Variants in NEGR1 observed in about 807,000 individuals in gnomAD.
The protein encoded by NEGR1 is neuronal growth regulator 1.
A neutral mutation model predicts 40.9 loss-of-function variants in NEGR1; 10 were observed. The ratio of observed to expected loss-of-function variants is 0.24; its 90% CI spans 0.15 to 0.42. The LOEUF (loss-of-function observed/expected upper bound fraction) is 0.42. NEGR1 is among the 10% of genes least tolerant of loss of function. The probability of loss-of-function intolerance (pLI) is 1.00; values close to 1 mark genes in which losing one functional copy is unlikely to be tolerated. For missense variants in NEGR1, 352 were observed against 438.9 expected (o/e 0.80, Z 1.77); for synonymous variants, 185 against 166.8 (o/e 1.11, Z -0.84).
intron 1 of NEGR1, among the ~76,000 whole-genome samples, chr1:72,208,408 T>A (rs956574520): frequency 6.6e-6 from 1 of 151,764 alleles, no homozygotes; most frequent in African/African-American, 2.4e-5. Context: ...TACTGCACAT[T>A]AGATTTATTC....
chr1:72,114,140 C>T (rs1044518535), intron 1 of NEGR1, among the ~76,000 whole-genome samples: 3 of 151,656 alleles, frequency 2.0e-5, no homozygotes, highest in East Asian at 3.9e-4. Flanking sequence ...TTTGGTCAAA[C>T]GTGATATTGG....
At chr1:72,086,993 T>A (rs1648247622) in intron 1 of NEGR1, among the ~76,000 whole-genome samples, 1 of 152,034 alleles carries the variant, frequency 6.6e-6, no homozygotes, top group Admixed American at 6.6e-5. Flanking sequence ...AAAATTTGAG[T>A]TAGAGTTATT....
intron 2 of NEGR1, among the ~76,000 whole-genome samples, chr1:71,851,216 G>T (rs991566948): frequency 6.6e-6 from 1 of 152,094 alleles, no homozygotes; most frequent in African/African-American, 2.4e-5. Flanking sequence ...AGGGGAATTG[G>T]TTTTCATGTT....
At chr1:71,769,370 C>T (rs1185714577) in intron 3 of NEGR1, among the ~76,000 whole-genome samples, 1 of 151,992 alleles carries the variant, frequency 6.6e-6, no homozygotes, top group Non-Finnish European at 1.5e-5. Flanking sequence ...ATAAAGAGGC[C>T]CCTTAATTTC....
At chr1:72,049,974 C>G (rs1388068508) in intron 1 of NEGR1, among the ~76,000 whole-genome samples, 1 of 151,458 alleles carries the variant, frequency 6.6e-6, no homozygotes. Flanking sequence ...GCTATGACAT[C>G]TTTTGTTGAT....
chr1:71,696,689 G>A lies in NEGR1; in HGVS notation c.667+1319C>T, dbSNP rs1337393628. On this transcript the variant is annotated intron_variant, in intron 4 of 6. Transcript: ENST00000357731. Reference sequence around the variant, plus strand: ...TTATTTCAGAGAGTTCCAGAGGGATGAGCAGTAGCTCTCTGCAATAAGAGT... The same window carrying A: ...TTATTTCAGAGAGTTCCAGAGGGATAAGCAGTAGCTCTCTGCAATAAGAGT... Among the ~76,000 whole-genome samples, 5 of 151,926 alleles carry A rather than the reference G, an allele frequency of 3.3e-5. No individual in the cohort carries two copies. In the East Asian group the frequency reaches 7.8e-4, roughly 24 times the overall value.
intron 1 of NEGR1, among the ~76,000 whole-genome samples, chr1:72,199,256 G>C (rs12032861): frequency 2.6e-5 from 3 of 114,084 alleles, no homozygotes; most frequent in Non-Finnish European, 5.8e-5. Context: ...TGTATACTGC[G>C]CTACTCTGGG....
At chr1:72,206,760 C>T (rs1653414642) in intron 1 of NEGR1, among the ~76,000 whole-genome samples, 1 of 151,882 alleles carries the variant, frequency 6.6e-6, no homozygotes, top group Admixed American at 6.6e-5. Flanking sequence ...TAAACATCAA[C>T]ATAAAGGTGA....
At chr1:71,874,900 G>A (rs1660381248) in intron 2 of NEGR1, among the ~76,000 whole-genome samples, 1 of 151,988 alleles carries the variant, frequency 6.6e-6, no homozygotes, top group Non-Finnish European at 1.5e-5. Context: ...CTGGAATGCA[G>A]TAACATAATC....
At chr1:72,201,908 T>C (rs1653227688) in intron 1 of NEGR1, among the ~76,000 whole-genome samples, 1 of 151,976 alleles carries the variant, frequency 6.6e-6, no homozygotes, top group Non-Finnish European at 1.5e-5. Flanking sequence ...AATTTTATTG[T>C]ACTTTTCTTT....
chr1:72,278,918 C>A (rs1656154503), intron 1 of NEGR1, among the ~76,000 whole-genome samples: 1 of 151,856 alleles, frequency 6.6e-6, no homozygotes, highest in African/African-American at 2.4e-5. Flanking sequence ...AAATACAAAG[C>A]TTAAGAAAGG....
At chr1:72,069,851 T>A (rs1456862388) in intron 1 of NEGR1, among the ~76,000 whole-genome samples, 2 of 152,178 alleles carry the variant, frequency 1.3e-5, no homozygotes, top group African/African-American at 4.8e-5. Flanking sequence ...TGGCATTATA[T>A]GCAATTCCTG....
chr1:71,618,539 G>A (rs1650513506), intron 4 of NEGR1, among the ~76,000 whole-genome samples: 1 of 152,030 alleles, frequency 6.6e-6, no homozygotes, highest in African/African-American at 2.4e-5. Flanking sequence ...ACACACTTCG[G>A]GTGCCACTGT....
chr1:71,952,184 G>A (rs1195694549), intron 1 of NEGR1, among the ~76,000 whole-genome samples: 1 of 151,934 alleles, frequency 6.6e-6, no homozygotes, highest in East Asian at 1.9e-4. Flanking sequence ...AGGAAGGCGT[G>A]TCAAAAGACA....
intron 1 of NEGR1, among the ~76,000 whole-genome samples, chr1:71,935,623 T>C (rs1447964495): frequency 6.6e-6 from 1 of 152,034 alleles, no homozygotes; most frequent in Non-Finnish European, 1.5e-5. Context: ...CACATCTAAA[T>C]AAAGCTAAAT....
At chr1:71,522,563 G>A (rs1647166616) in intron 6 of NEGR1, among the ~76,000 whole-genome samples, 2 of 152,000 alleles carry the variant, frequency 1.3e-5, no homozygotes, top group Non-Finnish European at 2.9e-5. Context: ...TTGGTGAAAT[G>A]TCATCATTTC....
At chr1:71,956,415 T>C (rs1233056696) in intron 1 of NEGR1, among the ~76,000 whole-genome samples, 1 of 152,158 alleles carries the variant, frequency 6.6e-6, no homozygotes, top group Admixed American at 6.6e-5. Flanking sequence ...AGTATTCTTT[T>C]ACAAAACTAA....
chr1:72,129,176 A>G (rs1484843343), intron 1 of NEGR1, among the ~76,000 whole-genome samples: 3 of 152,154 alleles, frequency 2.0e-5, no homozygotes, highest in African/African-American at 7.2e-5. Context: ...ATATATATGC[A>G]CATATATGTT....
At chr1:71,558,740 T>C (rs1570030060) in intron 6 of NEGR1, among the ~76,000 whole-genome samples, 1 of 137,648 alleles carries the variant, frequency 7.3e-6, no homozygotes, top group Non-Finnish European at 1.6e-5. Context: ...TTTTTTTTTT[T>C]AGCACTTCTT....
Sources: gnomAD v4.1 joint callset for allele counts (sites outside exome capture counted in the v4.1 genomes callset) on GRCh38, gnomAD v4.1.1 for gene constraint, MANE v1.5 for transcripts, NCBI Gene and HGNC (gene_info 2026-07-23, HGNC 2026-07-21) for gene names.